Variants in ADAMTS20 observed in about 807,000 individuals in gnomAD.
The protein encoded by ADAMTS20 is A disintegrin and metalloproteinase with thrombospondin motifs 20.
ADAMTS20 carries 225 observed loss-of-function variants against 260.1 expected under a neutral mutation model. The observed-to-expected ratio is 0.87, with a 90% confidence interval of 0.78 to 0.97. ADAMTS20 has a LOEUF of 0.97. Ranked by LOEUF, ADAMTS20 falls within the 50% of genes least tolerant of loss-of-function variation. The probability of loss-of-function intolerance (pLI) is 0.00; values close to 1 mark genes in which losing one functional copy is unlikely to be tolerated. For missense variants in ADAMTS20, 2,400 were observed against 2,337.7 expected, an observed-to-expected ratio of 1.03 and a Z score of -0.55; for synonymous variants, 802 against 769.5, an observed-to-expected ratio of 1.04 and a Z score of -0.70.
intron 16 of ADAMTS20, 30 bp downstream of exon 16, chr12:43,443,761 T>A: frequency 2.6e-6 from 4 of 1,546,482 alleles, no homozygotes; most frequent in Non-Finnish European, 3.6e-6. Context: ...ATAAGCCACA[T>A]ACTGGCTGTT....
chr12:43,426,232 C>T (rs1941331136), intron 27 of ADAMTS20, among the ~76,000 whole-genome samples: 1 of 152,068 alleles, frequency 6.6e-6, no homozygotes, highest in East Asian at 1.9e-4. Flanking sequence ...AAAAGCCTGG[C>T]AGGAAATATA....
At chr12:43,416,774 G>A (rs975467854) in intron 28 of ADAMTS20, among the ~76,000 whole-genome samples, 28 of 151,712 alleles carry the variant, frequency 1.8e-4, no homozygotes, top group African/African-American at 6.8e-4. Context: ...CGACCGCCTC[G>A]GCCTCCCAAA....
chr12:43,528,045 C>A (rs1943166458), intron 3 of ADAMTS20, among the ~76,000 whole-genome samples: 1 of 151,970 alleles, frequency 6.6e-6, no homozygotes, highest in South Asian at 2.1e-4. Context: ...ACACCAAAAA[C>A]AATCAAGCTG....
intron 29 of ADAMTS20, among the ~76,000 whole-genome samples, chr12:43,391,628 T>G (rs1940598534): frequency 6.6e-6 from 1 of 152,204 alleles, no homozygotes; most frequent in Non-Finnish European, 1.5e-5. Flanking sequence ...GAGGTCATAA[T>G]GAGTAATATT....
At chr12:43,487,656 A>G (rs1468164751) in intron 7 of ADAMTS20, among the ~76,000 whole-genome samples, 3 of 152,210 alleles carry the variant, frequency 2.0e-5, no homozygotes, top group Non-Finnish European at 4.4e-5. Context: ...ATAATTTATT[A>G]TTGAATGACA....
chr12:43,549,722 G>A (rs1943487594), intron 2 of ADAMTS20, among the ~76,000 whole-genome samples: 1 of 152,084 alleles, frequency 6.6e-6, no homozygotes, highest in Non-Finnish European at 1.5e-5. Context: ...CCATTGTGAT[G>A]TTGCAAATAT....
chr12:43,485,094 C>CAAAAAAAAAAAAAAAAAAAAA lies in ADAMTS20; in HGVS notation c.1117+5300_1117+5301insTTTTTTTTTTTTTTTTTTTTT, dbSNP rs59409245. On this transcript the variant is annotated intron_variant, in intron 7 of 38. Coordinates refer to ENST00000389420, the MANE Select transcript of ADAMTS20 (RefSeq NM_025003.5). Reference sequence around the variant, plus strand: ...GATACCAGTCAAGAAAGGACGTAGCCAAAAAAAAAAAAAAAAAGCAACAAC... The same window carrying CAAAAAAAAAAAAAAAAAAAAA: ...GATACCAGTCAAGAAAGGACGTAGCCAAAAAAAAAAAAAAAAAAAAAAAAAAAAAAAAAAAAAAGCAACAAC... 2.5e-5 allele frequency among the ~76,000 whole-genome samples: 3 copies of CAAAAAAAAAAAAAAAAAAAAA among 118,750 alleles called. 1 individual carries two copies. The highest frequency in any genetic ancestry group is 5.3e-5 in the Non-Finnish European group (3 of 56,636). 77.9% of individuals were successfully genotyped at this position (118,750 alleles called of 152,430 possible).
Position 43,464,728 on chromosome 12 carries a change from C to A in ADAMTS20, c.1372G>T (p.Gly458Cys), listed in dbSNP as rs140678240. 1.2e-6 allele frequency: 2 copies of A among 1,612,094 alleles called. No homozygotes were observed. The highest frequency in any genetic ancestry group is 1.7e-6 in the Non-Finnish European group (2 of 1,178,950). Residue 458 changes from glycine to cysteine, a missense_variant, in exon 10 of 39, where the codon GGT (glycine) becomes TGT (cysteine). Gly to Cys is a radical substitution (Grantham distance 159). Transcript: ENST00000389420. Reference protein sequence around the residue: ...RKYVTEFLDTGYGECLLDKPD... With the variant: ...RKYVTEFLDTCYGECLLDKPD... ...TTGTCAAGAAGACATTCCCCGTAAC[C>A]AGTACTGTAACAGTGACAGAAAATA...
At chr12:43,526,388 G>A (rs997393234) in intron 3 of ADAMTS20, among the ~76,000 whole-genome samples, 6 of 152,116 alleles carry the variant, frequency 3.9e-5, no homozygotes, top group Admixed American at 6.5e-5. Flanking sequence ...AACCCGGAAG[G>A]CGGAGCTTGT....
intron 14 of ADAMTS20, among the ~76,000 whole-genome samples, chr12:43,448,778 A>G (rs1303140368): frequency 6.6e-6 from 1 of 152,200 alleles, no homozygotes; most frequent in Non-Finnish European, 1.5e-5. Context: ...TAAGGAACTT[A>G]AATAAATTTA....
chr12:43,492,438 G>A, intron 6 of ADAMTS20, 67 bp downstream of exon 6: 2 of 1,456,580 alleles, frequency 1.4e-6, no homozygotes, highest in East Asian at 2.3e-5. Flanking sequence ...GAATTAAGAA[G>A]AAGTATCAGT....
chr12:43,538,036 C>G (rs531931473), intron 2 of ADAMTS20, among the ~76,000 whole-genome samples: 7 of 152,332 alleles, frequency 4.6e-5, no homozygotes, highest in African/African-American at 1.7e-4. Flanking sequence ...GTATACCCAG[C>G]AGTGGGATTG....
chr12:43,501,384 T>A (rs1434598022), intron 4 of ADAMTS20, among the ~76,000 whole-genome samples: 1 of 151,674 alleles, frequency 6.6e-6, no homozygotes, highest in Non-Finnish European at 1.5e-5. Flanking sequence ...TAAACTAGCA[T>A]GAAAAGGGCT....
At chr12:43,403,343 G>C (rs919238307) in intron 28 of ADAMTS20, among the ~76,000 whole-genome samples, 1 of 152,016 alleles carries the variant, frequency 6.6e-6, no homozygotes, top group Non-Finnish European at 1.5e-5. Context: ...ATAAAATAAG[G>C]AAATAAAATT....
chr12:43,468,118 TG>T (rs144022640), intron 8 of ADAMTS20, among the ~76,000 whole-genome samples: 18,182 of 152,130 alleles, frequency 0.12, 1,241 homozygotes, highest in Admixed American at 0.22. Flanking sequence ...TGAGCAACTA[TG>T]GAAAAAGTGA....
chr12:43,380,570 A>C (rs542082608), intron 31 of ADAMTS20, among the ~76,000 whole-genome samples: 68 of 152,260 alleles, frequency 4.5e-4, no homozygotes, highest in African/African-American at 1.1e-3. Flanking sequence ...TAAATCCCCC[A>C]AAAAATTTTC....
At chr12:43,517,180 T>C (rs1943010194) in intron 3 of ADAMTS20, among the ~76,000 whole-genome samples, 1 of 152,082 alleles carries the variant, frequency 6.6e-6, no homozygotes, top group Non-Finnish European at 1.5e-5. Context: ...GTTATTGCTA[T>C]TTCTAAGGAC....
At chr12:43,387,300 CT>C (rs1940500486) in intron 29 of ADAMTS20, among the ~76,000 whole-genome samples, 1 of 152,196 alleles carries the variant, frequency 6.6e-6, no homozygotes, top group Admixed American at 6.5e-5. Context: ...GCCTGCTTGC[CT>C]GGGTATCACC....
chr12:43,464,687 T>C lies in ADAMTS20; in HGVS notation c.1413A>G (p.Ile471Met). The part of the protein sequence containing the change: ...ECLLDKPDEE[I>M]YNLPSELPGS... ...CAGGAAGTTCTGAAGGCAGATTATA[T>C]ATTTCTTCATCTGGTTTGTCAAGAA... The change falls in exon 10 of 39, where the codon ATA becomes ATG. Residue 471 changes from isoleucine (I) to methionine (M), a missense_variant. Coordinates refer to ENST00000389420, the MANE Select transcript of ADAMTS20 (RefSeq NM_025003.5). 1.9e-6 allele frequency: 3 copies of C among 1,613,334 alleles called. No individual in the cohort carries two copies. The highest frequency in any genetic ancestry group is 1.3e-5 in the African/African-American group (1 of 75,028).
Sources: gnomAD v4.1 joint callset for allele counts (sites outside exome capture counted in the v4.1 genomes callset) on GRCh38, gnomAD v4.1.1 for gene constraint, MANE v1.5 for transcripts, NCBI Gene and HGNC (gene_info 2026-07-23, HGNC 2026-07-21) for gene names.